Variants in TUBGCP6 observed in about 807,000 individuals in gnomAD.
TUBGCP6 encodes the protein gamma-tubulin complex component 6.
A neutral mutation model predicts 175.8 loss-of-function variants in TUBGCP6; 161 were observed. That is an observed-to-expected ratio of 0.92 (90% CI 0.81 to 1.04). The LOEUF is 1.04. TUBGCP6 is among the 50% of genes least tolerant of loss of function. The probability of loss-of-function intolerance (pLI) is 0.00; values close to 1 mark genes in which losing one functional copy is unlikely to be tolerated. For missense variants in TUBGCP6, 2,572 were observed against 2,433.0 expected, an observed-to-expected ratio of 1.06 and a Z score of -1.20; for synonymous variants, 1,173 against 1,030.5, an observed-to-expected ratio of 1.14 and a Z score of -2.65.
Position 50,221,447 on chromosome 22 carries a change from T to C in TUBGCP6, c.2912A>G (p.Gln971Arg), listed in dbSNP as rs765830383. 3 of 1,596,612 alleles carry C rather than the reference T, an allele frequency of 1.9e-6. No homozygotes were observed. The highest frequency in any genetic ancestry group is 1.7e-6 in the Non-Finnish European group (2 of 1,174,026). Residue 971 changes from glutamine (Q) to arginine (R), a missense_variant, in exon 16 of 25, where the codon CAG (glutamine) becomes CGG (arginine). Transcript: ENST00000248846. ...GCTGCCCAAGCTGCACTCTGCAGCC[T>C]GCAGGGGCCCTGGTGCAGGTGAGGT... ...VATSPAPGPL[Q>R]AAECSLGSSG... is the part of the protein sequence containing the mutation.
Position 50,221,807 on chromosome 22 carries a change from T to G in TUBGCP6, c.2552A>C (p.His851Pro). 1.3e-6 allele frequency: 2 copies of G among 1,510,570 alleles called. No individual in the cohort carries two copies. The highest frequency in any genetic ancestry group is 1.8e-6 in the Non-Finnish European group (2 of 1,129,468). The allele number at this position is 1,510,570 out of a possible 1,614,324, so 93.6% of individuals were successfully genotyped here. The change falls in exon 16 of 25, where the codon CAC (histidine) becomes CCC (proline). Residue 851 changes from histidine to proline, a missense_variant. His to Pro is a moderately conservative substitution (Grantham distance 77, BLOSUM62 -2). Coordinates refer to ENST00000248846, the MANE Select transcript of TUBGCP6 (RefSeq NM_020461.4). ...GTTCCAGCCATCCCAGGCAGGCGAGTGTTGCTCTGCAGACCCAGAATCACA... is the reference window on the plus strand; with the variant it reads ...GTTCCAGCCATCCCAGGCAGGCGAGGGTTGCTCTGCAGACCCAGAATCACA... ...QGCDSGSAEQHSPAWDGWNRP... is the reference protein window; with the variant it reads ...QGCDSGSAEQPSPAWDGWNRP...
rs2064443341 is a variant in TUBGCP6, at chr22:50,217,929, A to G, written c.5357T>C (p.Phe1786Ser). ...SYNTFKYYSH[F>S]LFKVVTKLVN... is the part of the protein sequence containing the mutation. ...AGGGTGGGCCTCACCTTTGAAGAGA[A>G]AGTGGGAGTAGTACTTGAAGGTGTT... Residue 1786 changes from phenylalanine to serine, a missense_variant, in exon 24 of 25, where the codon TTT becomes TCT. Physicochemically the swap from Phe to Ser is radical, Grantham distance 155. Coordinates refer to ENST00000248846, the MANE Select transcript of TUBGCP6 (RefSeq NM_020461.4). 2 of 1,606,142 alleles carry G rather than the reference A, an allele frequency of 1.2e-6. No individual in the cohort carries two copies. The highest frequency in any genetic ancestry group is 1.7e-6 in the Non-Finnish European group (2 of 1,175,364).
intron 17 of TUBGCP6, 53 bp from the exon 18 acceptor site, chr22:50,219,844 A>G (rs1345500347): frequency 7.5e-6 from 12 of 1,605,228 alleles, no homozygotes; most frequent in Non-Finnish European, 8.5e-6. Flanking sequence ...TGTCCCCACA[A>G]CCAGCTTGTG....
chr22:50,221,986 G>A (rs2064533056), intron 15 of TUBGCP6, 42 bp downstream of exon 15: 2 of 1,611,544 alleles, frequency 1.2e-6, no homozygotes, highest in Non-Finnish European at 1.7e-6. Context: ...CGAGGGCTAT[G>A]GGAAAACCAT....
intron 3 of TUBGCP6, among the ~76,000 whole-genome samples, chr22:50,232,792 A>C (rs2064710932): frequency 6.6e-6 from 1 of 152,240 alleles, no homozygotes; most frequent in Admixed American, 6.5e-5. Flanking sequence ...TGAGCACTTA[A>C]ATGAAAAAGC....
chr22:50,226,424 G>A, intron 7 of TUBGCP6, 46 bp from the exon 8 acceptor site: 1 of 1,546,462 alleles, frequency 6.5e-7, no homozygotes, highest in Non-Finnish European at 8.8e-7. Flanking sequence ...ACGGAGAGGT[G>A]GGTGGGGCGT....
Position 50,218,602 on chromosome 22 carries a change from T to C in TUBGCP6, c.4840A>G (p.Ile1614Val), listed in dbSNP as rs542702762. ...LRYKVDWPLNIVITEGCVSKY... is the reference protein window; with the variant it reads ...LRYKVDWPLNVVITEGCVSKY... Reference sequence around the variant, plus strand: ...CTCACGCAGCCCTCGGTGATGACAATGTTGAGAGGCCAGTCCACCTGCCAG... The same window carrying C: ...CTCACGCAGCCCTCGGTGATGACAACGTTGAGAGGCCAGTCCACCTGCCAG... The change falls in exon 22 of 25, where the codon ATT (isoleucine) becomes GTT (valine). Residue 1614 changes from isoleucine to valine, a missense_variant. By Grantham distance (29) the Ile-to-Val change is conservative. Coordinates refer to ENST00000248846, the MANE Select transcript of TUBGCP6 (RefSeq NM_020461.4). 9 of 1,613,464 alleles carry C rather than the reference T, an allele frequency of 5.6e-6. No homozygotes were observed. The highest frequency in any genetic ancestry group is 1.1e-5 in the South Asian group (1 of 91,062).
chr22:50,217,769 G>T lies in TUBGCP6; in HGVS notation c.5427C>A (p.Arg1809=), dbSNP rs751685809. The T allele has an allele frequency of 6.2e-7, 1 of 1,614,052 alleles. No individual in the cohort carries two copies. Among genetic ancestry groups the T allele is most frequent in the Non-Finnish European group, 8.5e-7 (1 of 1,179,996 alleles). Residue 1809 remains arginine, a synonymous_variant, in exon 25 of 25, where the codon CGC becomes CGA. Coordinates refer to ENST00000248846, the MANE Select transcript of TUBGCP6 (RefSeq NM_020461.4). ...YQPHLEDFLL[R]INFNNYYQDA is the part of the protein sequence containing the mutation. ...CCTGGTAGTAGTTGTTGAAGTTGAT[G>T]CGCAGCAGAAAGTCCTCCAGGTGGG... is the stretch of plus-strand genomic sequence containing the variant.
At chr22:50,223,780 CAAAAA>C (rs34989677) in intron 13 of TUBGCP6, 52 of 64,306 alleles carry the variant, frequency 8.1e-4, no homozygotes, top group South Asian at 3.5e-3. Context: ...ACTCTGTTTC[CAAAAA>C]AAAAAAAAAA....
In TUBGCP6 at chr22:50,222,160, C is replaced by T. The variant is rs1602512049; in HGVS notation, c.2410-58G>A. The T allele has an allele frequency of 3.3e-6, 5 of 1,536,972 alleles. No individual in the cohort carries two copies. The East Asian group carries it at 9.0e-5, about 28-fold the overall frequency. ...GCCGGAGTCAAGCACAGCCCTACCC[C>T]ACACAAAGCCACAGCCCCTACCGCC... On this transcript the variant is annotated intron_variant, in intron 14 of 24. Transcript: ENST00000248846.
rs983771157 is a variant in TUBGCP6, at chr22:50,226,267, C to G, written c.1693+20G>C. 6.2e-7 allele frequency: 1 copy of G among 1,613,986 alleles called. No individual in the cohort carries two copies. The highest frequency in any genetic ancestry group is 1.7e-5 in the Admixed American group (1 of 60,018). On this transcript the variant is annotated intron_variant, in intron 8 of 24. Transcript: ENST00000248846. ...GGCCCACAGGCACGGACCCCTGCCC[C>G]GCAATCAGCTGCCACCTACCTCGGA...
chr22:50,242,422 A>G (rs1569128285), intron 1 of TUBGCP6, among the ~76,000 whole-genome samples: 1 of 151,954 alleles, frequency 6.6e-6, no homozygotes, highest in Non-Finnish European at 1.5e-5. Context: ...GCTTGAACCC[A>G]GGAGATGGAG....
chr22:50,237,717 G>A (rs539062788), intron 2 of TUBGCP6, among the ~76,000 whole-genome samples: 18 of 152,318 alleles, frequency 1.2e-4, no homozygotes, highest in Middle Eastern at 6.8e-3. Flanking sequence ...GGGCCCCACC[G>A]TGCGGGAGCT....
chr22:50,220,240 C>T lies in TUBGCP6; in HGVS notation c.4108+11G>A. 1.3e-6 allele frequency: 2 copies of T among 1,546,138 alleles called. No homozygotes were observed. The highest frequency in any genetic ancestry group is 1.8e-6 in the Non-Finnish European group (2 of 1,142,716). On this transcript the variant is annotated intron_variant, in intron 16 of 24. Coordinates refer to ENST00000248846, the MANE Select transcript of TUBGCP6 (RefSeq NM_020461.4). ...AGTCCCACTCCTGACCACCAGCCAC[C>T]CTACTCTGACCTAGTTCTTCAGAGA...
In TUBGCP6 at chr22:50,244,307, T is replaced by G; in HGVS notation, c.153A>C (p.Gln51His). 6.2e-7 allele frequency: 1 copy of G among 1,613,656 alleles called. No individual in the cohort carries two copies. Among genetic ancestry groups the G allele is most frequent in the Non-Finnish European group, 8.5e-7 (1 of 1,180,038 alleles). ...AYNALFTNLF[Q>H]DETQQLQPDM... Reference sequence around the variant, plus strand: ...CAGGCTGCAGCTGTTGAGTCTCATCTTGAAAAAGATTTGTGAAAAGAGCAT... The same window carrying G: ...CAGGCTGCAGCTGTTGAGTCTCATCGTGAAAAAGATTTGTGAAAAGAGCAT... Residue 51 changes from glutamine (Q) to histidine (H), a missense_variant, in exon 1 of 25, where the codon CAA becomes CAC. Transcript: ENST00000248846.
chr22:50,234,531 TTCCACAGCAGCATCATCCACACCCAGG>T (rs2064741010), intron 2 of TUBGCP6, among the ~76,000 whole-genome samples: 3 of 69,400 alleles, frequency 4.3e-5, no homozygotes, highest in East Asian at 4.7e-4. Context: ...CCACACCCAG[TTCCACAGCAGCATCATCCACACCCAGG>T]TCCACGGCAG....
At position 50,217,995 on chromosome 22, in the gene TUBGCP6, C is replaced by A; in HGVS notation, c.5291G>T (p.Gly1764Val). 1.2e-6 allele frequency: 2 copies of A among 1,611,538 alleles called. No homozygotes were observed. Among genetic ancestry groups the A allele is most frequent in the Non-Finnish European group, 8.5e-7 (1 of 1,179,386 alleles). Residue 1764 changes from glycine (G) to valine (V), a missense_variant, in exon 24 of 25, where the codon GGT becomes GTT. Transcript: ENST00000248846. ...QAWGPPGGPRGAEHPNFALMQ... is the reference protein window; with the variant it reads ...QAWGPPGGPRVAEHPNFALMQ... ...GAGTGCAAAGTTGGGGTGCTCTGCA[C>A]CCCGCGGGCCCCCAGGGGGCCCCCA...
intron 3 of TUBGCP6, among the ~76,000 whole-genome samples, chr22:50,231,875 G>A (rs201119332): frequency 0.027 from 3,367 of 122,936 alleles, 91 homozygotes; most frequent in East Asian, 0.15. Context: ...AAAAAAAAAA[G>A]AAAAGATGAC....
At position 50,226,317 on chromosome 22, in the gene TUBGCP6, G is replaced by C; in HGVS notation, c.1663C>G (p.Gln555Glu). 6.2e-7 allele frequency: 1 copy of C among 1,613,892 alleles called. No homozygotes were observed. Among genetic ancestry groups the C allele is most frequent in the Non-Finnish European group, 8.5e-7 (1 of 1,179,972 alleles). Residue 555 changes from glutamine to glutamate, a missense_variant, in exon 8 of 25, where the codon CAG becomes GAG. Gln to Glu is a conservative substitution (Grantham distance 29). Coordinates refer to ENST00000248846, the MANE Select transcript of TUBGCP6 (RefSeq NM_020461.4). ...AAGCTGAGGTACTCGTGGTTCACCT[G>C]AATCATGAACTCGCCATAAGCGTCT... The part of the protein sequence containing the change: ...FRDAYGEFMI[Q>E]VNHEYLSFRD...
Sources: allele counts gnomAD v4.1 joint callset (sites outside exome capture counted in the v4.1 genomes callset), GRCh38; gene constraint gnomAD v4.1.1; transcripts MANE v1.5; gene names NCBI Gene and HGNC (gene_info 2026-07-23, HGNC 2026-07-21).